Variants in ESR1 observed in about 807,000 individuals in gnomAD.
ESR1 encodes estrogen receptor 1.
A neutral mutation model predicts 52.7 loss-of-function variants in ESR1; 12 were observed. The ratio of observed to expected loss-of-function variants is 0.23; its 90% CI spans 0.15 to 0.37. The LOEUF is 0.37. ESR1 is among the 10% of genes least tolerant of loss of function. The probability of loss-of-function intolerance (pLI) is 1.00; values close to 1 mark genes in which losing one functional copy is unlikely to be tolerated. For synonymous variants in ESR1, 305 were observed against 316.8 expected (o/e 0.96, Z 0.39); for missense variants, 584 against 779.7 (o/e 0.75, Z 2.99).
intron 6 of ESR1, among the ~76,000 whole-genome samples, chr6:152,093,348 CTCTCTT>C (rs138486617): frequency 0.17 from 24,240 of 145,666 alleles, 2,197 homozygotes; most frequent in East Asian, 0.32. Flanking sequence ...CTCTCTCTCT[CTCTCTT>C]TCTCTCTCTC....
chr6:151,811,890 C>T (rs1236430263), intron 1 of ESR1, among the ~76,000 whole-genome samples: 1 of 152,070 alleles, frequency 6.6e-6, no homozygotes, highest in South Asian at 2.1e-4. Context: ...GTGGCTTGTA[C>T]CTGTTTGGAA....
chr6:151,887,494 C>T (rs1179961773), intron 3 of ESR1, among the ~76,000 whole-genome samples: 2 of 151,974 alleles, frequency 1.3e-5, no homozygotes, highest in Non-Finnish European at 2.9e-5. Flanking sequence ...CTGGTTTCCA[C>T]AAGCAGAAGC....
upstream of ESR1, among the ~76,000 whole-genome samples, chr6:151,689,413 AT>A (rs1335208790): frequency 1.3e-5 from 2 of 152,244 alleles, no homozygotes; most frequent in African/African-American, 4.8e-5. Context: ...GTCAATTGCA[AT>A]TAAATACTTT....
chr6:151,818,319 A>G (rs1239915994), intron 1 of ESR1, among the ~76,000 whole-genome samples: 1 of 152,200 alleles, frequency 6.6e-6, no homozygotes, highest in Non-Finnish European at 1.5e-5. Flanking sequence ...GGTCTCCTCT[A>G]GTGCCCACAC....
chr6:152,000,147 A>G (rs1314683139), intron 4 of ESR1, among the ~76,000 whole-genome samples: 1 of 152,052 alleles, frequency 6.6e-6, no homozygotes, highest in East Asian at 1.9e-4. Context: ...TCTAGTTTTC[A>G]CCATAACATG....
At chr6:152,024,847 G>A (rs1018778732) in intron 5 of ESR1, among the ~76,000 whole-genome samples, 1 of 149,956 alleles carries the variant, frequency 6.7e-6, no homozygotes, top group Non-Finnish European at 1.5e-5. Context: ...TTATATGTAT[G>A]TTTATACACA....
intron 6 of ESR1, among the ~76,000 whole-genome samples, chr6:152,110,769 G>C (rs1054470091): frequency 4.6e-5 from 7 of 152,144 alleles, no homozygotes; most frequent in African/African-American, 1.7e-4. Context: ...CGCAAAAGGA[G>C]TATTTCATCA....
chr6:152,074,764 G>A (rs1205102712), intron 6 of ESR1, among the ~76,000 whole-genome samples: 4 of 152,170 alleles, frequency 2.6e-5, no homozygotes, highest in Non-Finnish European at 4.4e-5. Context: ...TGTTGTCAAT[G>A]TTCTGGATTT....
upstream of ESR1, among the ~76,000 whole-genome samples, chr6:151,801,727 T>C (rs1264301703): frequency 1.3e-5 from 2 of 152,228 alleles, no homozygotes; most frequent in African/African-American, 2.4e-5. Context: ...TAAAAGCCAT[T>C]GTACTTAAAG....
At chr6:152,084,612 C>G (rs1345505102) in intron 6 of ESR1, among the ~76,000 whole-genome samples, 1 of 151,522 alleles carries the variant, frequency 6.6e-6, no homozygotes, top group Non-Finnish European at 1.5e-5. Context: ...TTTACAGTTC[C>G]CAGGATGGAC....
At chr6:151,911,955 A>G (rs1056597827) in intron 3 of ESR1, among the ~76,000 whole-genome samples, 1 of 152,238 alleles carries the variant, frequency 6.6e-6, no homozygotes. Context: ...GGTAGCCACT[A>G]GCCACATGTG....
intron 1 of ESR1, among the ~76,000 whole-genome samples, chr6:151,835,666 A>T (rs1442051169): frequency 6.6e-6 from 1 of 152,208 alleles, no homozygotes; most frequent in Admixed American, 6.5e-5. Flanking sequence ...GAAACAATGA[A>T]TATGTGGGCG....
intron 1 of ESR1, among the ~76,000 whole-genome samples, chr6:151,814,459 A>C (rs916931777): frequency 2.6e-5 from 4 of 151,834 alleles, no homozygotes; most frequent in African/African-American, 9.7e-5. Context: ...GTATTCTCAG[A>C]TATTTTTCTT....
chr6:151,984,683 T>C (rs2040292427), intron 4 of ESR1, among the ~76,000 whole-genome samples: 1 of 152,150 alleles, frequency 6.6e-6, no homozygotes, highest in African/African-American at 2.4e-5. Flanking sequence ...AGAAATGTCT[T>C]TCTTTCTTGA....
At chr6:152,085,497 G>A (rs1054616609) in intron 6 of ESR1, among the ~76,000 whole-genome samples, 1 of 152,092 alleles carries the variant, frequency 6.6e-6, no homozygotes, top group African/African-American at 2.4e-5. Context: ...GTCTTAAATG[G>A]GGAGAGTCGT....
At chr6:151,827,885 T>C (rs1263904439) in intron 1 of ESR1, among the ~76,000 whole-genome samples, 1 of 152,212 alleles carries the variant, frequency 6.6e-6, no homozygotes, top group Admixed American at 6.5e-5. Context: ...ACATCAAGCA[T>C]CTGGCTTCAT....
At chr6:151,891,482 G>C (rs1018222192) in intron 3 of ESR1, among the ~76,000 whole-genome samples, 2 of 152,110 alleles carry the variant, frequency 1.3e-5, no homozygotes, top group African/African-American at 4.8e-5. Flanking sequence ...ATTTCCATAT[G>C]CTTTTTTTTG....
intron 5 of ESR1, among the ~76,000 whole-genome samples, chr6:152,019,966 A>G (rs903895407): frequency 6.6e-6 from 1 of 152,192 alleles, no homozygotes; most frequent in African/African-American, 2.4e-5. Context: ...AGAGATGTGT[A>G]AGAGGCACTC....
At chr6:151,982,463 G>A (rs58692115) in intron 4 of ESR1, among the ~76,000 whole-genome samples, 13,998 of 151,940 alleles carry the variant, frequency 0.092, 1,309 homozygotes, top group African/African-American at 0.23. Context: ...ACATTAAAAA[G>A]TAAAAAGCAA....
Sources: allele counts gnomAD v4.1 joint callset (sites outside exome capture counted in the v4.1 genomes callset), GRCh38; gene constraint gnomAD v4.1.1; transcripts MANE v1.5; gene names NCBI Gene and HGNC (gene_info 2026-07-23, HGNC 2026-07-21).